The following NCOR1 variants were observed in gnomAD, a reference collection of about 807,000 sequenced individuals.
NCOR1 encodes nuclear receptor corepressor 1.
NCOR1 carries 63 observed loss-of-function variants against 288.1 expected under a neutral mutation model. The observed-to-expected ratio is 0.22, with a 90% CI of 0.18 to 0.27. The LOEUF (loss-of-function observed/expected upper bound fraction) is 0.27. NCOR1 is among the 10% of genes least tolerant of loss of function. NCOR1 has a pLI of 1.00. For synonymous variants in NCOR1, 1,007 were observed against 1,065.9 expected, an observed-to-expected ratio of 0.94 and a Z score of 1.08; for missense variants, 2,397 against 3,019.2, an observed-to-expected ratio of 0.79 and a Z score of 4.83.
chr17:16,158,315 G>A (rs137962594), intron 6 of NCOR1, among the ~76,000 whole-genome samples: 5 of 152,040 alleles, frequency 3.3e-5, no homozygotes, highest in South Asian at 2.1e-4. Context: ...CCCAACTATC[G>A]ACTGTGAACT....
chr17:16,064,944 T>C lies in NCOR1; in HGVS notation c.5027A>G (p.Asp1676Gly). The C allele has an allele frequency of 6.2e-7, 1 of 1,613,990 alleles. No homozygotes were observed. The highest frequency in any genetic ancestry group is 8.5e-7 in the Non-Finnish European group (1 of 1,179,878). Residue 1676 changes from aspartate (D) to glycine (G), a missense_variant, in exon 34 of 46, where the codon GAC (aspartate) becomes GGC (glycine). Physicochemically the swap from Asp to Gly is moderately conservative, Grantham distance 94 (BLOSUM62 -1). This residue lies in a region of NCOR1 where 1,872 missense variants were observed against 2,187.8 expected (regional missense o/e 0.86). Transcript: ENST00000268712. ...TGTACCAGGAATATAAGTGATTCTG[T>C]CCATGGGAGGAGTGCTTGTTCCCCC... is the stretch of plus-strand genomic sequence containing the variant. ...HPGGTSTPPM[D>G]RITYIPGTQI...
chr17:16,141,137 G>A (rs1008375821), intron 11 of NCOR1, among the ~76,000 whole-genome samples: 1 of 152,162 alleles, frequency 6.6e-6, no homozygotes, highest in Non-Finnish European at 1.5e-5. Context: ...GGGAATCTGG[G>A]CACAGTGAAG....
At chr17:16,136,020 C>T (rs2076345541) in intron 14 of NCOR1, among the ~76,000 whole-genome samples, 1 of 152,192 alleles carries the variant, frequency 6.6e-6, no homozygotes, top group South Asian at 2.1e-4. Context: ...TCCATATTAA[C>T]TGTGGTGGTG....
intron 19 of NCOR1, among the ~76,000 whole-genome samples, chr17:16,104,271 T>C (rs752254054): frequency 2.6e-5 from 4 of 151,778 alleles, no homozygotes; most frequent in Non-Finnish European, 4.4e-5. Context: ...TAAGTAACCG[T>C]CTGGGAAAAA....
intron 44 of NCOR1, among the ~76,000 whole-genome samples, chr17:16,038,797 A>T (rs958351968): frequency 6.6e-6 from 1 of 151,580 alleles, no homozygotes; most frequent in Non-Finnish European, 1.5e-5. Flanking sequence ...TTTGAGACGG[A>T]GTCTCACTCT....
At chr17:16,140,169 A>G (rs1475886032) in intron 11 of NCOR1, among the ~76,000 whole-genome samples, 1 of 152,222 alleles carries the variant, frequency 6.6e-6, no homozygotes, top group African/African-American at 2.4e-5. Context: ...TGTCATTTCA[A>G]TCATGTACTT....
At chr17:16,144,983 T>C (rs1038341799) in intron 10 of NCOR1, among the ~76,000 whole-genome samples, 2 of 152,214 alleles carry the variant, frequency 1.3e-5, no homozygotes, top group Non-Finnish European at 2.9e-5. Flanking sequence ...TGTACTGCCA[T>C]GATCTCCGCT....
At chr17:16,068,168 TATG>T (rs756183444) in intron 31 of NCOR1, 47 bp from the exon 32 acceptor site, 9 of 1,401,420 alleles carry the variant, frequency 6.4e-6, no homozygotes, top group Non-Finnish European at 7.9e-6. Flanking sequence ...AACTTGCAAG[TATG>T]ATAATATTTG....
At chr17:16,119,706 C>A (rs902631737) in intron 16 of NCOR1, among the ~76,000 whole-genome samples, 2 of 152,184 alleles carry the variant, frequency 1.3e-5, no homozygotes, top group African/African-American at 4.8e-5. Flanking sequence ...GTTAAAAGTT[C>A]TCTTCATGTC....
At chr17:16,213,057 CA>C (rs34419344) in intron 1 of NCOR1, among the ~76,000 whole-genome samples, 8,864 of 114,784 alleles carry the variant, frequency 0.077, 292 homozygotes, top group East Asian at 0.19. Flanking sequence ...ACCCTGTCTC[CA>C]AAAAAAAAAA....
chr17:16,077,650 G>A (rs1277686555), intron 26 of NCOR1, among the ~76,000 whole-genome samples: 2 of 151,646 alleles, frequency 1.3e-5, no homozygotes, highest in Non-Finnish European at 2.9e-5. Flanking sequence ...AAAGAGAAAA[G>A]AAAAGAGAAA....
At chr17:16,072,089 C>A (rs2061822918) in intron 29 of NCOR1, 56 bp downstream of exon 29, 1 of 1,330,372 alleles carries the variant, frequency 7.5e-7, no homozygotes, top group Non-Finnish European at 1.1e-6. Context: ...TAATGTCAAA[C>A]TATTTTGCCA....
chr17:16,091,666 T>C, intron 22 of NCOR1, 197 bp downstream of exon 22: 1 of 1,399,534 alleles, frequency 7.1e-7, no homozygotes, highest in East Asian at 2.6e-5. Flanking sequence ...TTAAAAATGT[T>C]ACTGGCATCC....
chr17:16,210,297 T>C (rs933739495), intron 1 of NCOR1, among the ~76,000 whole-genome samples: 8 of 152,188 alleles, frequency 5.3e-5, no homozygotes, highest in Admixed American at 3.3e-4. Context: ...CGCAGGAGAA[T>C]TGCTTGAACC....
intron 40 of NCOR1, among the ~76,000 whole-genome samples, chr17:16,056,077 T>C (rs956795161): frequency 6.8e-6 from 1 of 147,460 alleles, no homozygotes; most frequent in Non-Finnish European, 1.5e-5. Context: ...AATAATTTTT[T>C]TTTTTAAAGA....
chr17:16,072,837 G>T (rs1325589864), intron 28 of NCOR1, among the ~76,000 whole-genome samples: 1 of 152,180 alleles, frequency 6.6e-6, no homozygotes, highest in Non-Finnish European at 1.5e-5. Flanking sequence ...GTTGAGGCAG[G>T]TTAAGATTTA....
At chr17:16,115,208 A>G (rs1380527474) in intron 18 of NCOR1, among the ~76,000 whole-genome samples, 3 of 152,162 alleles carry the variant, frequency 2.0e-5, no homozygotes, top group African/African-American at 7.2e-5. Context: ...GGTGCAGAGC[A>G]CCAAGTCCCT....
chr17:16,187,363 A>G (rs1028608538), intron 2 of NCOR1, among the ~76,000 whole-genome samples: 13 of 152,028 alleles, frequency 8.6e-5, no homozygotes, highest in African/African-American at 3.1e-4. Flanking sequence ...AACCTAGTAC[A>G]CAATTTTTCA....
intron 4 of NCOR1, among the ~76,000 whole-genome samples, chr17:16,170,109 G>GTGTGTGTT: frequency 6.9e-6 from 1 of 145,386 alleles, no homozygotes; most frequent in Admixed American, 6.9e-5. Context: ...TTTGCTTTCT[G>GTGTGTGTT]TGTGTGTGTG....
Sources: gnomAD v4.1 joint callset for allele counts (sites outside exome capture counted in the v4.1 genomes callset) on GRCh38, gnomAD v4.1.1 for gene constraint, gnomAD v4.1.1 regional missense constraint, MANE v1.5 for transcripts, NCBI Gene and HGNC (gene_info 2026-07-23, HGNC 2026-07-21) for gene names.